Variants in FAM200C observed in about 807,000 individuals in gnomAD.
the FAM200C span, chr5:160,393,221 C>T: frequency 1.3e-5 from 2 of 153,936 alleles, no homozygotes; most frequent in East Asian, 1.9e-4. Context: ...GTGAGACTAA[C>T]TCCAAAGAGT....
chr5:160,397,707 G>A, the FAM200C span, among the ~76,000 whole-genome samples: 1 of 152,194 alleles, frequency 6.6e-6, no homozygotes, highest in African/African-American at 2.4e-5. Context: ...TGTTAAATTG[G>A]AGGATGTCTG....
chr5:160,399,730 G>C, the FAM200C span: 4 of 151,834 alleles, frequency 2.6e-5, no homozygotes, highest in African/African-American at 9.7e-5. Flanking sequence ...TACTGTTAAG[G>C]ACGGAGATTT....
At chr5:160,398,577 A>C in the FAM200C span, among the ~76,000 whole-genome samples, 2 of 152,234 alleles carry the variant, frequency 1.3e-5, no homozygotes, top group Admixed American at 1.3e-4. Flanking sequence ...AGATCTGTTA[A>C]GAGTCCATTC....
At chr5:160,395,218 T>TA in the FAM200C span, 20 of 1,613,750 alleles carry the variant, frequency 1.2e-5, no homozygotes, top group Non-Finnish European at 1.7e-5. Flanking sequence ...ATGCTTGTAA[T>TA]AAAGTATCCT....
chr5:160,398,975 C>CT, the FAM200C span, among the ~76,000 whole-genome samples: 390 of 152,294 alleles, frequency 2.6e-3, no homozygotes, highest in African/African-American at 9.0e-3. Flanking sequence ...CTTTGAAATA[C>CT]GTACTTCAGC....
the FAM200C span, chr5:160,395,015 T>TGTAAGATATCCTGGCTCATTTCATCAA: frequency 1.9e-6 from 3 of 1,613,882 alleles, no homozygotes; most frequent in Non-Finnish European, 2.5e-6. Flanking sequence ...TAGAACTTGC[T>TGTAAGATATCCTGGCTCATTTCATCAA]GTAAGATATC....
the FAM200C span, chr5:160,394,464 TGTGA>T: frequency 3.7e-6 from 6 of 1,613,858 alleles, no homozygotes; most frequent in Admixed American, 1.7e-5. Flanking sequence ...ATTTCAAAAA[TGTGA>T]GTAAGTATTT....
At chr5:160,399,646 G>T in the FAM200C span, 2 of 152,086 alleles carry the variant, frequency 1.3e-5, no homozygotes, top group African/African-American at 4.8e-5. Context: ...TACCTTACAG[G>T]GTTGTTAGGA....
the FAM200C span, chr5:160,395,495 CA>C: frequency 6.2e-7 from 1 of 1,611,064 alleles, no homozygotes; most frequent in African/African-American, 1.3e-5. Flanking sequence ...CGACATGGCA[CA>C]CAAAAATTCT....
chr5:160,394,550 A>C, the FAM200C span: 18 of 1,614,046 alleles, frequency 1.1e-5, no homozygotes, highest in Middle Eastern at 1.6e-4. Flanking sequence ...TTCTTCAAAG[A>C]AAGCCTGAAA....
chr5:160,396,839 A>G, the FAM200C span, among the ~76,000 whole-genome samples: 2 of 152,168 alleles, frequency 1.3e-5, no homozygotes, highest in Non-Finnish European at 2.9e-5. Flanking sequence ...TTTTCCACCT[A>G]AATACCTCTA....
chr5:160,394,056 G>A, the FAM200C span: 4 of 1,609,824 alleles, frequency 2.5e-6, no homozygotes, highest in African/African-American at 5.4e-5. Context: ...ATATTAAAAA[G>A]AAATGGATCC....
chr5:160,395,192 T>C, the FAM200C span: 2 of 1,613,816 alleles, frequency 1.2e-6, no homozygotes, highest in South Asian at 2.2e-5. Flanking sequence ...GGCACATAAA[T>C]ACGCAAATTG....
At chr5:160,395,591 T>C in the FAM200C span, 1 of 919,516 alleles carries the variant, frequency 1.1e-6, no homozygotes, top group South Asian at 1.4e-5. Context: ...CTAACTGAAT[T>C]AAAACAAAGC....
chr5:160,394,881 ATTC>A, the FAM200C span: 2 of 1,612,706 alleles, frequency 1.2e-6, no homozygotes, highest in East Asian at 2.2e-5. Context: ...CAGAAGAGAA[ATTC>A]TTCTACGATC....
chr5:160,395,996 G>A, the FAM200C span, among the ~76,000 whole-genome samples: 3 of 152,138 alleles, frequency 2.0e-5, no homozygotes, highest in African/African-American at 7.2e-5. Context: ...CTGACATGGA[G>A]GTTAAAATAA....
chr5:160,397,970 G>A, the FAM200C span, among the ~76,000 whole-genome samples: 6 of 152,214 alleles, frequency 3.9e-5, no homozygotes, highest in South Asian at 4.1e-4. Context: ...GGCCCTGCAC[G>A]GTGGCTCACG....
chr5:160,394,312 C>T, the FAM200C span: 37 of 1,613,654 alleles, frequency 2.3e-5, no homozygotes, highest in African/African-American at 3.5e-4. Flanking sequence ...TCATCCCAGT[C>T]CTCTGCATAG....
the FAM200C span, among the ~76,000 whole-genome samples, chr5:160,396,488 T>C: frequency 6.6e-6 from 1 of 152,014 alleles, no homozygotes; most frequent in Non-Finnish European, 1.5e-5. Context: ...TGGTAGCTCA[T>C]GCCTGTAATC....
Sources: gnomAD v4.1 joint callset for allele counts (sites outside exome capture counted in the v4.1 genomes callset) on GRCh38, gnomAD v4.1.1 for gene constraint, MANE v1.5 for transcripts.